REL: variants seen among roughly 807,000 people sequenced by gnomAD.
REL encodes the protein proto-oncogene c-Rel.
In REL, 15 loss-of-function variants were observed where a neutral mutation model predicts 45.9. The ratio of observed to expected loss-of-function variants is 0.33; its 90% CI spans 0.22 to 0.50. The LOEUF (loss-of-function observed/expected upper bound fraction) is 0.50. REL is among the 20% of genes least tolerant of loss of function. REL has a pLI of 0.98. For synonymous variants in REL, 239 were observed against 242.1 expected (o/e 0.99, Z 0.12); for missense variants, 601 against 715.2 (o/e 0.84, Z 1.82).
chr2:60,912,737 GATAAA>G (rs1314877804), intron 4 of REL, among the ~76,000 whole-genome samples: 1 of 151,528 alleles, frequency 6.6e-6, no homozygotes, highest in Non-Finnish European at 1.5e-5. Flanking sequence ...ATTTTTATAA[GATAAA>G]ATAAAAATGT....
intron 3 of REL, among the ~76,000 whole-genome samples, chr2:60,895,182 CTTATTA>C (rs948331599): frequency 2.1e-4 from 31 of 151,092 alleles, no homozygotes; most frequent in East Asian, 9.8e-4. Flanking sequence ...TTATAGTTAA[CTTATTA>C]TTATTATTAT....
chr2:60,915,672 T>A lies in REL; in HGVS notation c.395-1205T>A, dbSNP rs1282223405. Among the ~76,000 whole-genome samples the A allele has an allele frequency of 2.6e-5, 4 of 152,222 alleles. No individual in the cohort carries two copies. The South Asian group carries it at 8.3e-4, about 32-fold the overall frequency. ...AAATTTAATACTTTGCAAAGTAAAA[T>A]TGTTATGTAAATAATGTGCATGTCT... On this transcript the variant is annotated intron_variant, in intron 4 of 9. Coordinates refer to ENST00000394479, the MANE Select transcript of REL (RefSeq NM_001291746.2).
At chr2:60,885,075 G>A (rs929599294) in intron 1 of REL, among the ~76,000 whole-genome samples, 3 of 152,084 alleles carry the variant, frequency 2.0e-5, no homozygotes, top group African/African-American at 7.2e-5. Flanking sequence ...ACAGATAAAG[G>A]GAATGAGTTA....
At chr2:60,905,324 G>C (rs924762995) in intron 4 of REL, among the ~76,000 whole-genome samples, 1 of 152,128 alleles carries the variant, frequency 6.6e-6, no homozygotes, top group Non-Finnish European at 1.5e-5. Context: ...TCAATCTCCT[G>C]ACCTTGTGAT....
At chr2:60,921,251 T>A (rs551294991) in intron 9 of REL, among the ~76,000 whole-genome samples, 4 of 152,154 alleles carry the variant, frequency 2.6e-5, no homozygotes, top group Non-Finnish European at 5.9e-5. Flanking sequence ...CAGAATTAAT[T>A]TTTTCTGTAA....
At chr2:60,888,958 C>G (rs760590855) in intron 1 of REL, among the ~76,000 whole-genome samples, 1 of 152,166 alleles carries the variant, frequency 6.6e-6, no homozygotes, top group Non-Finnish European at 1.5e-5. Flanking sequence ...GATGACATTG[C>G]TTTCTTTTTT....
intron 1 of REL, among the ~76,000 whole-genome samples, chr2:60,889,785 T>G (rs1673162081): frequency 6.6e-6 from 1 of 152,180 alleles, no homozygotes; most frequent in Non-Finnish European, 1.5e-5. Flanking sequence ...AGCTTATCCT[T>G]TTTTATGGCT....
chr2:60,890,026 T>A (rs1436611282), intron 1 of REL, among the ~76,000 whole-genome samples: 1 of 152,250 alleles, frequency 6.6e-6, no homozygotes, highest in African/African-American at 2.4e-5. Context: ...ATCGCCACAC[T>A]GACTTCCACA....
intron 2 of REL, among the ~76,000 whole-genome samples, 168 bp from the exon 3 acceptor site, chr2:60,894,229 A>G (rs781165901): frequency 2.3e-4 from 35 of 152,172 alleles, no homozygotes; most frequent in Admixed American, 7.2e-4. Flanking sequence ...GTTTTTCTGT[A>G]CTGGTATTCT....
chr2:60,902,884 C>T (rs763222758), intron 4 of REL, among the ~76,000 whole-genome samples: 15 of 152,070 alleles, frequency 9.9e-5, no homozygotes, highest in South Asian at 6.2e-4. Context: ...CCACTGCACC[C>T]GGTCTATTTA....
chr2:60,920,456 C>T, intron 8 of REL, 118 bp from the exon 9 acceptor site: 1 of 778,466 alleles, frequency 1.3e-6, no homozygotes. Context: ...CCACCTTGGC[C>T]TCCCAAAGTG....
chr2:60,893,861 T>A (rs560918919), intron 2 of REL, among the ~76,000 whole-genome samples: 73 of 152,316 alleles, frequency 4.8e-4, no homozygotes, highest in African/African-American at 1.7e-3. Context: ...AGCTATACTT[T>A]CTATGTGAAA....
chr2:60,896,988 G>T (rs926572007), intron 3 of REL, among the ~76,000 whole-genome samples: 2 of 152,154 alleles, frequency 1.3e-5, no homozygotes, highest in African/African-American at 4.8e-5. Context: ...TAGAAGTGAT[G>T]CAGTATAACT....
In REL at chr2:60,924,052, C is replaced by G; in HGVS notation, c.*1517C>G. The G allele has an allele frequency of 4.3e-6, 1 of 232,396 alleles. No individual in the cohort carries two copies. Among genetic ancestry groups the G allele is most frequent in the Non-Finnish European group, 8.5e-6 (1 of 117,420 alleles). 14.4% of individuals were successfully genotyped at this position (232,396 alleles called of 1,614,324 possible). A position where few individuals can be genotyped will look rare whatever the true frequency, so the allele number is the denominator to read the frequency against. ...CTCAAAGCATCAAGTATGCACTTGCCTTGGACAGTCTGTACTTGGTATTCC... is the reference window on the plus strand; with the variant it reads ...CTCAAAGCATCAAGTATGCACTTGCGTTGGACAGTCTGTACTTGGTATTCC... On this transcript the variant is annotated 3_prime_UTR_variant, in exon 10 of 10. Coordinates refer to ENST00000394479, the MANE Select transcript of REL (RefSeq NM_001291746.2).
Position 60,921,859 on chromosome 2 carries a change from C to T in REL, c.1088C>T (p.Ser363Leu). 1 of 1,614,130 alleles carries T rather than the reference C, an allele frequency of 6.2e-7. No individual in the cohort carries two copies. Among genetic ancestry groups the T allele is most frequent in the South Asian group, 1.1e-5 (1 of 91,082 alleles). The change falls in exon 10 of 10, where the codon TCA becomes TTA. Residue 363 changes from serine (S) to leucine (L), a missense_variant. Transcript: ENST00000394479. ...ESYYPSPGPI[S>L]SGLSHHASMA... Reference sequence around the variant, plus strand: ...TACTATCCCTCACCTGGGCCCATCTCAAGTGGATTGTCACATCATGCCTCA... The same window carrying T: ...TACTATCCCTCACCTGGGCCCATCTTAAGTGGATTGTCACATCATGCCTCA...
chr2:60,920,150 GT>G, intron 8 of REL, 41 bp downstream of exon 8: 1 of 1,373,856 alleles, frequency 7.3e-7, no homozygotes, highest in Non-Finnish European at 1.0e-6. Flanking sequence ...AATAGGTTTT[GT>G]TTTATTTACT....
chr2:60,918,663 CAT>C, intron 7 of REL, 57 bp downstream of exon 7: 1 of 1,143,466 alleles, frequency 8.7e-7, no homozygotes, highest in Non-Finnish European at 1.3e-6. Flanking sequence ...CTGCTAATAA[CAT>C]CTTCTTGTAA....
At position 60,930,288 on chromosome 2, in the gene REL, CCTT is replaced by C. The variant is rs1416664252; in HGVS notation, c.*7756_*7758del. ...CGGATTAATCTTTAATTTAGATACT[CCTT>C]CTAGTTATCTAATACACAGCAGAGT... On this transcript the variant is annotated 3_prime_UTR_variant, in exon 10 of 10. Coordinates refer to ENST00000394479, the MANE Select transcript of REL (RefSeq NM_001291746.2). 5 of 152,294 alleles carry C rather than the reference CCTT, an allele frequency of 3.3e-5. No homozygotes were observed. Among genetic ancestry groups the C allele is most frequent in the African/African-American group, 7.2e-5 (3 of 41,446 alleles). 9.4% of individuals were successfully genotyped at this position (152,294 alleles called of 1,614,324 possible).
Position 60,918,453 on chromosome 2 carries a change from G to A in REL, c.700G>A (p.Ala234Thr). Residue 234 changes from alanine (A) to threonine (T), a missense_variant, in exon 7 of 10, where the codon GCT (alanine) becomes ACT (threonine). Coordinates refer to ENST00000394479, the MANE Select transcript of REL (RefSeq NM_001291746.2). The part of the protein sequence containing the change: ...DWEAKGIFSQ[A>T]DVHRQVAIVF... ...GGAAGCAAAAGGCATCTTTTCACAA[G>A]CTGATGTACACCGTCAAGTAGCCAT... 1 of 1,613,586 alleles carries A rather than the reference G, an allele frequency of 6.2e-7. No homozygotes were observed. The highest frequency in any genetic ancestry group is 8.5e-7 in the Non-Finnish European group (1 of 1,179,958).
Sources: gnomAD v4.1 joint callset for allele counts (sites outside exome capture counted in the v4.1 genomes callset) on GRCh38, gnomAD v4.1.1 for gene constraint, MANE v1.5 for transcripts, NCBI Gene and HGNC (gene_info 2026-07-23, HGNC 2026-07-21) for gene names.